The following PCDHGA3 variants were observed in gnomAD, a reference collection of about 807,000 sequenced individuals.
The protein encoded by PCDHGA3 is protocadherin gamma-A3.
Under a neutral mutation model 58.5 loss-of-function variants are expected in PCDHGA3, and 40 were observed. That is an observed-to-expected ratio of 0.68 (90% CI 0.53 to 0.89). PCDHGA3 has a LOEUF of 0.89. Ranked by LOEUF, PCDHGA3 falls within the 40% of genes least tolerant of loss-of-function variation. The pLI is 0.00. For synonymous variants in PCDHGA3, 530 were observed against 525.7 expected, an observed-to-expected ratio of 1.01 and a Z score of -0.11; for missense variants, 1,223 against 1,195.9, an observed-to-expected ratio of 1.02 and a Z score of -0.33.
intron 1 of PCDHGA3, among the ~76,000 whole-genome samples, chr5:141,452,199 G>T (rs2098736057): frequency 1.3e-5 from 2 of 151,778 alleles, no homozygotes; most frequent in African/African-American, 4.8e-5. Flanking sequence ...AATTGTTTTA[G>T]ATGTTACCAA....
At chr5:141,349,409 A>G (rs1758288143) in intron 1 of PCDHGA3, among the ~76,000 whole-genome samples, 1 of 152,206 alleles carries the variant, frequency 6.6e-6, no homozygotes, top group South Asian at 2.1e-4. Flanking sequence ...CACTGGTTTC[A>G]TAAAACAAAT....
At chr5:141,353,365 T>A (rs1050829838) in intron 1 of PCDHGA3, among the ~76,000 whole-genome samples, 1 of 152,252 alleles carries the variant, frequency 6.6e-6, no homozygotes, top group African/African-American at 2.4e-5. Flanking sequence ...ATGTAATTGA[T>A]GTAATTATGT....
At chr5:141,492,237 C>G (rs2099738580) in intron 1 of PCDHGA3, among the ~76,000 whole-genome samples, 1 of 152,206 alleles carries the variant, frequency 6.6e-6, no homozygotes, top group Admixed American at 6.5e-5. Flanking sequence ...TCCCTGCTGG[C>G]CACCCCCACG....
At chr5:141,394,968 T>C in intron 1 of PCDHGA3, 1 of 1,613,938 alleles carries the variant, frequency 6.2e-7, no homozygotes, top group Non-Finnish European at 8.5e-7. Context: ...GCTGAGGCGC[T>C]GGCACAAGTC....
intron 1 of PCDHGA3, among the ~76,000 whole-genome samples, chr5:141,482,057 C>A (rs2099551189): frequency 6.7e-6 from 1 of 149,978 alleles, no homozygotes; most frequent in Non-Finnish European, 1.5e-5. Flanking sequence ...TGCATTCCAG[C>A]CTGGGCAACA....
chr5:141,384,158 T>A (rs1449699621), intron 1 of PCDHGA3: 1 of 1,613,550 alleles, frequency 6.2e-7, no homozygotes, highest in Non-Finnish European at 8.5e-7. Flanking sequence ...TTGTATAACA[T>A]CACACTGAAA....
chr5:141,374,534 C>G lies in PCDHGA3; in HGVS notation c.2424+28077C>G, dbSNP rs868822562. The G allele has an allele frequency of 3.7e-6, 6 of 1,613,096 alleles. No homozygotes were observed. Among genetic ancestry groups the G allele is most frequent in the Admixed American group, 3.3e-5 (2 of 60,024 alleles). On this transcript the variant is annotated intron_variant, in intron 1 of 3. Transcript: ENST00000253812. ...TCTCGAAAACGCAGCTCCATCCTCT[C>G]GTTTTCCACTAATGGAGGTCTATGA...
intron 1 of PCDHGA3, chr5:141,418,954 T>G (rs1490406390): frequency 6.2e-7 from 1 of 1,613,914 alleles, no homozygotes; most frequent in East Asian, 2.2e-5. Flanking sequence ...CAGGAGTGGT[T>G]GTTGCCCTCT....
intron 1 of PCDHGA3, chr5:141,418,595 G>GT (rs2096273873): frequency 6.2e-7 from 1 of 1,613,928 alleles, no homozygotes; most frequent in African/African-American, 1.3e-5. Context: ...CAGCCAGGAC[G>GT]TGTACAGGGT....
At chr5:141,437,016 T>G (rs1025489534) in intron 1 of PCDHGA3, among the ~76,000 whole-genome samples, 1 of 152,254 alleles carries the variant, frequency 6.6e-6, no homozygotes, top group Non-Finnish European at 1.5e-5. Flanking sequence ...TTAGATAATT[T>G]CACCAGAAAA....
At chr5:141,438,248 C>A (rs1370527448) in intron 1 of PCDHGA3, among the ~76,000 whole-genome samples, 1 of 151,970 alleles carries the variant, frequency 6.6e-6, no homozygotes, top group Non-Finnish European at 1.5e-5. Flanking sequence ...AAAAAACTGT[C>A]ATTGAAGAGA....
At chr5:141,449,818 A>G (rs1446661913) in intron 1 of PCDHGA3, among the ~76,000 whole-genome samples, 2 of 151,708 alleles carry the variant, frequency 1.3e-5, no homozygotes, top group Non-Finnish European at 2.9e-5. Flanking sequence ...GTATTTCCTA[A>G]CAAGGACATT....
chr5:141,357,564 C>G (rs373329089), intron 1 of PCDHGA3: 1 of 1,614,202 alleles, frequency 6.2e-7, no homozygotes, highest in Non-Finnish European at 8.5e-7. Context: ...GTGAGAAAAG[C>G]GAGCCTCTTC....
chr5:141,348,608 T>C (rs1041872145), intron 1 of PCDHGA3, among the ~76,000 whole-genome samples: 1 of 152,150 alleles, frequency 6.6e-6, no homozygotes, highest in Non-Finnish European at 1.5e-5. Context: ...ATGGAACCCA[T>C]ACAATTCCAC....
chr5:141,423,440 C>T lies in PCDHGA3; in HGVS notation c.2425-71367C>T, dbSNP rs768389351. 27 of 1,613,852 alleles carry T rather than the reference C, an allele frequency of 1.7e-5. No individual in the cohort carries two copies. In the East Asian group the frequency reaches 4.5e-4, roughly 27 times the overall value. ...GAAGGCGGGTTGGCAGGTATGCCCACGTCACATTTTGTAGGCGTGGACGGG... is the reference window on the plus strand; with the variant it reads ...GAAGGCGGGTTGGCAGGTATGCCCATGTCACATTTTGTAGGCGTGGACGGG... On this transcript the variant is annotated intron_variant, in intron 1 of 3. Coordinates refer to ENST00000253812, the MANE Select transcript of PCDHGA3 (RefSeq NM_018916.4).
intron 1 of PCDHGA3, chr5:141,478,354 C>T (rs141625672): frequency 1.2e-6 from 2 of 1,613,778 alleles, no homozygotes; most frequent in Non-Finnish European, 8.5e-7. Context: ...ACGCGGACGC[C>T]GTGCGGGGAG....
intron 1 of PCDHGA3, chr5:141,423,165 C>T (rs1307049367): frequency 6.8e-6 from 11 of 1,613,434 alleles, no homozygotes; most frequent in Admixed American, 3.3e-5. Context: ...TCGTGGTGGC[C>T]GTCCAGGACC....
At chr5:141,361,236 C>A in intron 1 of PCDHGA3, 3 of 1,613,946 alleles carry the variant, frequency 1.9e-6, no homozygotes, top group Non-Finnish European at 2.5e-6. Flanking sequence ...CAGTGATCGC[C>A]TTGATAAAAA....
chr5:141,414,463 G>T, intron 1 of PCDHGA3: 1 of 1,613,932 alleles, frequency 6.2e-7, no homozygotes. Flanking sequence ...GACAGCCACA[G>T]ATGGGGGAAG....
Sources: allele counts gnomAD v4.1 joint callset (sites outside exome capture counted in the v4.1 genomes callset), GRCh38; gene constraint gnomAD v4.1.1; transcripts MANE v1.5; gene names NCBI Gene and HGNC (gene_info 2026-07-23, HGNC 2026-07-21).